Variants in FGF14 observed in about 807,000 individuals in gnomAD.
FGF14 encodes the protein fibroblast growth factor 14, also known as fibroblast growth factor homologous factor 4.
A neutral mutation model predicts 25.5 loss-of-function variants in FGF14; 5 were observed. The ratio of observed to expected loss-of-function variants is 0.20; its 90% CI spans 0.10 to 0.41. The LOEUF is 0.41. Among genes scored for constraint, FGF14 ranks in the 10% least tolerant of loss-of-function variants. The pLI is 1.00. For missense variants in FGF14, 222 were observed against 320.1 expected, an observed-to-expected ratio of 0.69 and a Z score of 2.34; for synonymous variants, 138 against 118.3, an observed-to-expected ratio of 1.17 and a Z score of -1.08.
intron 1 of FGF14, among the ~76,000 whole-genome samples, chr13:102,308,708 C>A (rs2055539940): frequency 6.6e-6 from 1 of 152,036 alleles, no homozygotes; most frequent in African/African-American, 2.4e-5. Flanking sequence ...TACAATATAT[C>A]AAATATCTTC....
At chr13:102,399,891 G>T (rs1190458666) in intron 1 of FGF14, among the ~76,000 whole-genome samples, 4 of 152,136 alleles carry the variant, frequency 2.6e-5, no homozygotes, top group Non-Finnish European at 5.9e-5. Flanking sequence ...TACTACCAGA[G>T]CCTCAATTGC....
chr13:102,375,086 T>A (rs980691762), intron 1 of FGF14, among the ~76,000 whole-genome samples: 3 of 152,100 alleles, frequency 2.0e-5, no homozygotes, highest in African/African-American at 7.2e-5. Context: ...AGGGAGACTT[T>A]AGAAAAATGA....
At chr13:102,227,865 C>A (rs1344695254) in intron 1 of FGF14, among the ~76,000 whole-genome samples, 1 of 152,048 alleles carries the variant, frequency 6.6e-6, no homozygotes, top group Non-Finnish European at 1.5e-5. Context: ...TACCATCTGG[C>A]GTCTTGTCTG....
chr13:102,081,367 G>A (rs1360919792), intron 1 of FGF14, among the ~76,000 whole-genome samples: 4 of 152,224 alleles, frequency 2.6e-5, no homozygotes, highest in African/African-American at 9.6e-5. Flanking sequence ...ATTACAGGGT[G>A]TAGGCATCAA....
chr13:102,174,195 C>T (rs140898982), intron 1 of FGF14, among the ~76,000 whole-genome samples: 4,247 of 149,160 alleles, frequency 0.028, 222 homozygotes, highest in African/African-American at 0.099. Context: ...AATGCAGTGG[C>T]GCGATCTCGG....
chr13:102,097,332 G>T (rs985252804), intron 1 of FGF14, among the ~76,000 whole-genome samples: 2 of 152,170 alleles, frequency 1.3e-5, no homozygotes, highest in Non-Finnish European at 2.9e-5. Context: ...ACTTATAAAA[G>T]CATTTGGTCA....
chr13:101,884,629 C>T (rs1305129737), intron 1 of FGF14, among the ~76,000 whole-genome samples: 2 of 151,996 alleles, frequency 1.3e-5, no homozygotes, highest in African/African-American at 4.8e-5. Flanking sequence ...TCCTAGCTAT[C>T]CTGTGTAAGA....
Position 102,363,387 on chromosome 13 carries a change from T to C in FGF14, c.208+38084A>G, listed in dbSNP as rs188642763. On this transcript the variant is annotated intron_variant, in intron 1 of 4. Transcript: ENST00000376131. ...GAAAAGAAAGTGATTCTGAGAGAGG[T>C]TGAGCAAGTTTCTGTATTTCACATG... Among the ~76,000 whole-genome samples, 247 of 152,194 alleles carry C rather than the reference T, an allele frequency of 1.6e-3. 2 individuals are homozygous for C. Among genetic ancestry groups the C allele is most frequent in the Middle Eastern group, 6.8e-3 (2 of 294 alleles).
At chr13:101,732,373 A>C (rs1438955452) in intron 3 of FGF14, among the ~76,000 whole-genome samples, 3 of 152,228 alleles carry the variant, frequency 2.0e-5, no homozygotes, top group Non-Finnish European at 4.4e-5. Flanking sequence ...ATTCCAAAAT[A>C]ACTTAAAAAG....
intron 3 of FGF14, 42 bp downstream of exon 3, chr13:101,868,683 A>G (rs1330127181): frequency 8.6e-7 from 1 of 1,159,798 alleles, no homozygotes; most frequent in Non-Finnish European, 1.3e-6. Context: ...GTTATTTTAC[A>G]TGCATTGAAC....
chr13:102,082,721 G>A (rs541995108), intron 1 of FGF14, among the ~76,000 whole-genome samples: 1 of 152,236 alleles, frequency 6.6e-6, no homozygotes, highest in Non-Finnish European at 1.5e-5. Context: ...TTGGGAGGCC[G>A]AGGCGGGCGG....
intron 1 of FGF14, among the ~76,000 whole-genome samples, chr13:102,079,662 A>G (rs1299601858): frequency 6.6e-6 from 1 of 152,160 alleles, no homozygotes; most frequent in Non-Finnish European, 1.5e-5. Context: ...AAACACAGAG[A>G]GTCTGTGTCC....
intron 1 of FGF14, among the ~76,000 whole-genome samples, chr13:102,236,955 G>A (rs905468853): frequency 5.9e-5 from 9 of 152,074 alleles, no homozygotes; most frequent in Non-Finnish European, 1.5e-5. Flanking sequence ...GGAGTGCTGA[G>A]AGTTGGTTGC....
At chr13:102,371,551 C>G (rs1027372538) in intron 1 of FGF14, among the ~76,000 whole-genome samples, 2 of 152,086 alleles carry the variant, frequency 1.3e-5, no homozygotes. Context: ...ATTGTTATAG[C>G]TCTTGTCACG....
chr13:101,877,443 G>A (rs867993327), intron 1 of FGF14, among the ~76,000 whole-genome samples: 27 of 152,026 alleles, frequency 1.8e-4, no homozygotes, highest in Non-Finnish European at 3.1e-4. Context: ...CCACTTGGAG[G>A]ATGAAGAAAT....
At chr13:102,029,758 C>A (rs1251971987) in intron 1 of FGF14, among the ~76,000 whole-genome samples, 1 of 152,016 alleles carries the variant, frequency 6.6e-6, no homozygotes, top group Non-Finnish European at 1.5e-5. Context: ...GAATGCAGTC[C>A]AAAATGGAAA....
At chr13:101,743,251 A>G (rs1297598742) in intron 3 of FGF14, among the ~76,000 whole-genome samples, 1 of 152,218 alleles carries the variant, frequency 6.6e-6, no homozygotes, top group East Asian at 1.9e-4. Context: ...TGTCTCAGAT[A>G]CCTTTTGGTT....
chr13:102,067,484 C>CA lies in FGF14; in HGVS notation c.209-192189dup, dbSNP rs200949563. 8.8e-4 allele frequency among the ~76,000 whole-genome samples: 132 copies of CA among 149,236 alleles called. 1 individual carries two copies. Among genetic ancestry groups the CA allele is most frequent in the East Asian group, 2.5e-3 (13 of 5,130 alleles). ...CTCAACTCCTAATTGGGTGATTGCA[C>CA]AAAAAAAAAGATCCACTTAGTGTGA... On this transcript the variant is annotated intron_variant, in intron 1 of 4. Coordinates refer to the FGF14 transcript ENST00000376131.
At chr13:101,787,113 A>T (rs996662660) in intron 3 of FGF14, among the ~76,000 whole-genome samples, 4 of 152,126 alleles carry the variant, frequency 2.6e-5, no homozygotes, top group Non-Finnish European at 5.9e-5. Flanking sequence ...ATATATAATA[A>T]GCAATGTGAA....
Sources: gnomAD v4.1 joint callset for allele counts (sites outside exome capture counted in the v4.1 genomes callset) on GRCh38, gnomAD v4.1.1 for gene constraint, MANE v1.5 for transcripts, NCBI Gene and HGNC (gene_info 2026-07-23, HGNC 2026-07-21) for gene names.